CPNE9: variants seen among roughly 807,000 people sequenced by gnomAD.
CPNE9 encodes copine-9.
In CPNE9, 59 loss-of-function variants were observed where a neutral mutation model predicts 83.0. The ratio of observed to expected loss-of-function variants is 0.71; its 90% CI spans 0.58 to 0.88. The LOEUF (loss-of-function observed/expected upper bound fraction) is 0.88, where lower values mean the gene tolerates loss of function less well. Ranked by LOEUF, CPNE9 falls within the 40% of genes least tolerant of loss-of-function variation. The pLI is 0.00. For synonymous variants in CPNE9, 256 were observed against 273.4 expected (o/e 0.94, Z 0.63); for missense variants, 619 against 720.8 (o/e 0.86, Z 1.62).
chr3:9,706,894 G>A lies in CPNE9; in HGVS notation c.377+831G>A, dbSNP rs542521025. Among the ~76,000 whole-genome samples, 4 of 152,344 alleles carry A rather than the reference G, an allele frequency of 2.6e-5. No homozygotes were observed. In the South Asian group the frequency reaches 8.3e-4, roughly 32 times the overall value. The stretch of plus-strand genomic sequence containing the variant: ...GAACAGCAAGGAGGCCAGCAAGACT[G>A]GAGCCAGGTGACTGGGAGGCAGGAG... On this transcript the variant is annotated intron_variant, in intron 7 of 20. Coordinates refer to ENST00000383832, the MANE Select transcript of CPNE9 (RefSeq NM_153635.3).
rs1323620681 is a variant in CPNE9, at chr3:9,713,088, C to T, written c.650+9C>T. 2 of 1,607,894 alleles carry T rather than the reference C, an allele frequency of 1.2e-6. No individual in the cohort carries two copies. Among genetic ancestry groups the T allele is most frequent in the Middle Eastern group, 1.7e-4 (1 of 5,978 alleles). ...AATGGAGACTATGACAGGTTGGCTC[C>T]AGCATAAGCTGGGGAGTAAGGAGCC... On this transcript the variant is annotated intron_variant, in intron 10 of 20. Transcript: ENST00000383832.
intron 17 of CPNE9, 126 bp downstream of exon 17, chr3:9,718,728 T>C (rs2076708240): frequency 1.7e-6 from 2 of 1,153,838 alleles, no homozygotes; most frequent in Admixed American, 4.6e-5. Flanking sequence ...AGGCCAGGCA[T>C]GGTGGCTCAT....
chr3:9,718,308 A>G (rs1401399152), intron 16 of CPNE9, 98 bp downstream of exon 16: 6 of 1,398,306 alleles, frequency 4.3e-6, no homozygotes, highest in Non-Finnish European at 5.9e-6. Context: ...GGGCATGTAG[A>G]GGAACAGGAA....
Position 9,703,995 on chromosome 3 carries a change from C to T in CPNE9, c.-2C>T. 6.2e-7 allele frequency: 1 copy of T among 1,604,386 alleles called. No homozygotes were observed. The highest frequency in any genetic ancestry group is 2.2e-5 in the East Asian group (1 of 44,636). Reference sequence around the variant, plus strand: ...CCTGCGGCTCTGGTCGCCCGACCAGCCATGTCTCTCGGCGGAGCCTCCGAG... The same window carrying T: ...CCTGCGGCTCTGGTCGCCCGACCAGTCATGTCTCTCGGCGGAGCCTCCGAG... On this transcript the variant is annotated 5_prime_UTR_variant, in exon 1 of 21. Transcript: ENST00000383832.
intron 7 of CPNE9, among the ~76,000 whole-genome samples, chr3:9,709,856 G>A (rs1462394540): frequency 6.6e-6 from 1 of 151,858 alleles, no homozygotes; most frequent in African/African-American, 2.4e-5. Flanking sequence ...TGGGCATGGT[G>A]GAGCGTGCCT....
At chr3:9,712,493 T>C (rs1316263790) in intron 7 of CPNE9, 48 bp from the exon 8 acceptor site, 1 of 1,522,046 alleles carries the variant, frequency 6.6e-7, no homozygotes, top group Admixed American at 1.7e-5. Flanking sequence ...ACTCAATCCT[T>C]GTTGCCTACC....
chr3:9,726,022 A>G lies in CPNE9; in HGVS notation c.1315A>G (p.Met439Val), dbSNP rs1233051259. 6.2e-7 allele frequency: 1 copy of G among 1,610,164 alleles called. No individual in the cohort carries two copies. Among genetic ancestry groups the G allele is most frequent in the Non-Finnish European group, 8.5e-7 (1 of 1,178,144 alleles). ...LIITDGVISDMTQTKEAIVSA... is the reference protein window; with the variant it reads ...LIITDGVISDVTQTKEAIVSA... ...CATCACTGATGGGGTCATCTCTGAC[A>G]TGACGCAGACCAAGGAGGCCATCGT... Residue 439 changes from methionine to valine, a missense_variant, in exon 18 of 21, where the codon ATG (methionine) becomes GTG (valine). This residue lies in a region of CPNE9 where 438 missense variants were observed against 562.9 expected (regional missense o/e 0.78). Coordinates refer to ENST00000383832, the MANE Select transcript of CPNE9 (RefSeq NM_153635.3).
chr3:9,724,509 A>G (rs1245049492), intron 17 of CPNE9, among the ~76,000 whole-genome samples: 1 of 152,152 alleles, frequency 6.6e-6, no homozygotes, highest in African/African-American at 2.4e-5. Context: ...GAGCGGTCTA[A>G]GCTCTGTGCT....
chr3:9,717,180 C>T, intron 15 of CPNE9, 76 bp downstream of exon 15: 2 of 1,496,670 alleles, frequency 1.3e-6, no homozygotes, highest in Non-Finnish European at 1.9e-6. Context: ...GGCCTGGATT[C>T]CTACCTAGAG....
chr3:9,705,897 G>A, intron 6 of CPNE9, 90 bp from the exon 7 acceptor site: 1 of 1,460,552 alleles, frequency 6.8e-7, no homozygotes, highest in Non-Finnish European at 9.5e-7. Context: ...CCTGGGAACT[G>A]CCCTGGTCCT....
In CPNE9 at chr3:9,706,061, C is replaced by G; in HGVS notation, c.375C>G (p.Leu125=). The G allele has an allele frequency of 6.2e-7, 1 of 1,613,260 alleles. No homozygotes were observed. The highest frequency in any genetic ancestry group is 8.5e-7 in the Non-Finnish European group (1 of 1,179,938). ...AGGGCAGCCGAGTAGAGCGAACCCT[C>G]ACGTAAGCTGAATAGGAAGGGGTGT... ...GGQGSRVERT[L]TGVPGKKCGT... The change falls in exon 7 of 21, where the codon CTC becomes CTG. Residue 125 remains leucine (L), a splice_region_variant and synonymous_variant. Transcript: ENST00000383832.
intron 4 of CPNE9, 39 bp downstream of exon 4, chr3:9,705,033 G>T: frequency 6.9e-7 from 1 of 1,459,192 alleles, no homozygotes. Context: ...GCCCGCCCCC[G>T]ACCTGGATCC....
intron 17 of CPNE9, 77 bp downstream of exon 17, chr3:9,718,679 C>A: frequency 6.5e-7 from 1 of 1,527,788 alleles, no homozygotes. Flanking sequence ...TAGTCAGGAG[C>A]ACTCTAAGTA....
intron 7 of CPNE9, among the ~76,000 whole-genome samples, chr3:9,710,468 G>C (rs1029810739): frequency 6.6e-6 from 1 of 152,190 alleles, no homozygotes; most frequent in African/African-American, 2.4e-5. Flanking sequence ...GAATGAGGAT[G>C]GGGGAGGAGG....
chr3:9,715,657 A>G (rs2076676095), intron 13 of CPNE9, 131 bp downstream of exon 13: 1 of 770,162 alleles, frequency 1.3e-6, no homozygotes, highest in African/African-American at 1.7e-5. Flanking sequence ...TATTGGGCAC[A>G]AGGAGCACCA....
chr3:9,722,063 G>A (rs925093265), intron 17 of CPNE9, among the ~76,000 whole-genome samples: 1 of 151,780 alleles, frequency 6.6e-6, no homozygotes, highest in Non-Finnish European at 1.5e-5. Context: ...GATTACAGGT[G>A]CGCACCACCA....
chr3:9,713,226 G>C (rs2076647442), intron 10 of CPNE9, 147 bp downstream of exon 10: 2 of 642,054 alleles, frequency 3.1e-6, no homozygotes, highest in Non-Finnish European at 5.5e-6. Flanking sequence ...TGGGTGGATG[G>C]ACAGGCAGAT....
At chr3:9,724,938 A>G (rs2125475448) in intron 17 of CPNE9, among the ~76,000 whole-genome samples, 1 of 151,900 alleles carries the variant, frequency 6.6e-6, no homozygotes, top group South Asian at 2.1e-4. Flanking sequence ...TGTATTTTTC[A>G]TAGAGACAGG....
In CPNE9 at chr3:9,729,609, T is replaced by A; in HGVS notation, c.1579T>A (p.Ser527Thr). ...GGCCGAGATCCCGGAGCAGCTGCTGTCCTATATGCGCACCAGAGACATCCA... is the reference window on the plus strand; with the variant it reads ...GGCCGAGATCCCGGAGCAGCTGCTGACCTATATGCGCACCAGAGACATCCA... ...VLAEIPEQLLSYMRTRDIQPR... is the reference protein window; with the variant it reads ...VLAEIPEQLLTYMRTRDIQPR... Residue 527 changes from serine (S) to threonine (T), a missense_variant, in exon 21 of 21, where the codon TCC (serine) becomes ACC (threonine). Transcript: ENST00000383832. 1 of 1,613,974 alleles carries A rather than the reference T, an allele frequency of 6.2e-7. No individual in the cohort carries two copies. The highest frequency in any genetic ancestry group is 8.5e-7 in the Non-Finnish European group (1 of 1,179,992).
Sources: allele counts gnomAD v4.1 joint callset (sites outside exome capture counted in the v4.1 genomes callset), GRCh38; gene constraint gnomAD v4.1.1; regional missense constraint gnomAD v4.1.1; transcripts MANE v1.5; gene names NCBI Gene and HGNC (gene_info 2026-07-23, HGNC 2026-07-21).